LONP1: variants seen among roughly 807,000 people sequenced by gnomAD.
LONP1 encodes lon protease homolog, mitochondrial.
LONP1 carries 31 observed loss-of-function variants against 98.5 expected under a neutral mutation model. The ratio of observed to expected loss-of-function variants is 0.31; its 90% confidence interval spans 0.24 to 0.42. The LOEUF (loss-of-function observed/expected upper bound fraction) is 0.42. Ranked by LOEUF, LONP1 falls within the 20% of genes least tolerant of loss-of-function variation. LONP1 has a pLI of 1.00. For synonymous variants in LONP1, 781 were observed against 594.7 expected (o/e 1.31, Z -4.56); for missense variants, 1,336 against 1,350.6 (o/e 0.99, Z 0.17).
At chr19:5,713,596 T>C (rs1214664366) in intron 2 of LONP1, among the ~76,000 whole-genome samples, 1 of 152,074 alleles carries the variant, frequency 6.6e-6, no homozygotes, top group Non-Finnish European at 1.5e-5. Flanking sequence ...AGTTTCGCTC[T>C]TGTTGCCCAG....
Position 5,693,610 on chromosome 19 carries a change from T to C in LONP1, c.2480A>G (p.Gln827Arg), listed in dbSNP as rs201049657. Residue 827 changes from glutamine (Q) to arginine (R), a missense_variant, in exon 16 of 18, where the codon CAG becomes CGG. Physicochemically the swap from Gln to Arg is conservative, Grantham distance 43. Around this residue, in one of 5 missense-constraint regions of LONP1, gnomAD observed 555 missense variants for 542.6 expected, o/e 1.02. Coordinates refer to ENST00000360614, the MANE Select transcript of LONP1 (RefSeq NM_004793.4). ...CAGGTAGTCATTGGCGGGGGCGTGC[T>C]GCATGAGGAAGGCTCTGGCGAAGGT... ...AYTFARAFLM[Q>R]HAPANDYLVT... The C allele has an allele frequency of 1.9e-5, 30 of 1,613,966 alleles. No individual in the cohort carries two copies. The highest frequency in any genetic ancestry group is 2.5e-5 in the Non-Finnish European group (29 of 1,179,996).
intron 17 of LONP1, 163 bp from the exon 18 acceptor site, chr19:5,692,371 G>A (rs1215267994): frequency 1.5e-5 from 9 of 618,838 alleles, no homozygotes; most frequent in Non-Finnish European, 5.3e-6. Context: ...CTCCCACGGG[G>A]AAACAGGCTC....
At chr19:5,695,014 G>C (rs1316923327) in intron 13 of LONP1, 113 bp from the exon 14 acceptor site, 1 of 1,257,844 alleles carries the variant, frequency 8.0e-7, no homozygotes, top group African/African-American at 1.5e-5. Context: ...CTGGGAACGA[G>C]GTCCCTGATG....
In LONP1 at chr19:5,714,221, G is replaced by C; in HGVS notation, c.480C>G (p.Ala160=). ...VELLRRKVRL[A]QPYVGVFLKR... ...TTAGAAAGACGCCGACATAAGGCTG[G>C]GCGAGACGAACTTTCCTTCTCAGCA... The change falls in exon 2 of 18, where the codon GCC becomes GCG. Residue 160 remains alanine, a synonymous_variant. Coordinates refer to ENST00000360614, the MANE Select transcript of LONP1 (RefSeq NM_004793.4). 1 of 1,614,020 alleles carries C rather than the reference G, an allele frequency of 6.2e-7. No individual in the cohort carries two copies. The highest frequency in any genetic ancestry group is 8.5e-7 in the Non-Finnish European group (1 of 1,179,954).
chr19:5,706,903 G>A (rs1015325741), intron 7 of LONP1, among the ~76,000 whole-genome samples, 157 bp downstream of exon 7: 6 of 152,236 alleles, frequency 3.9e-5, no homozygotes, highest in Non-Finnish European at 7.3e-5. Flanking sequence ...GGACGACAGA[G>A]CAGATGATGG....
At position 5,694,484 on chromosome 19, in the gene LONP1, G is replaced by T. The variant is rs759316923; in HGVS notation, c.2223C>A (p.Asn741Lys). 1.7e-5 allele frequency: 28 copies of T among 1,613,226 alleles called. No individual in the cohort carries two copies. Among genetic ancestry groups the T allele is most frequent in the Non-Finnish European group, 2.4e-5 (28 of 1,180,020 alleles). ...CGGGCTTCCCCACGAAGTCCTGCAG[G>T]TTCTCGGGCGTCACCTCCACGGACT... ...EAESVEVTPE[N>K]LQDFVGKPVF... The change falls in exon 15 of 18, where the codon AAC becomes AAA. Residue 741 changes from asparagine to lysine, a missense_variant. Asn to Lys is a moderately conservative substitution (Grantham distance 94). Coordinates refer to ENST00000360614, the MANE Select transcript of LONP1 (RefSeq NM_004793.4).
chr19:5,694,698 G>C (rs2054894227), intron 14 of LONP1, 63 bp downstream of exon 14: 1 of 1,574,270 alleles, frequency 6.4e-7, no homozygotes, highest in African/African-American at 1.3e-5. Flanking sequence ...TGGAAAGGTG[G>C]GGTGATCAGC....
At position 5,705,331 on chromosome 19, in the gene LONP1, G is replaced by A. The variant is rs555162303; in HGVS notation, c.1367+441C>T. 2.6e-5 allele frequency among the ~76,000 whole-genome samples: 4 copies of A among 152,184 alleles called. No homozygotes were observed. In the South Asian group the frequency reaches 8.3e-4, roughly 32 times the overall value. On this transcript the variant is annotated intron_variant, in intron 8 of 17. Coordinates refer to ENST00000360614, the MANE Select transcript of LONP1 (RefSeq NM_004793.4). ...AAATTAACCAGGCGTGGTGGTGCATGCCTATAGTCCCAGATACTTGGGGGA... is the reference window on the plus strand; with the variant it reads ...AAATTAACCAGGCGTGGTGGTGCATACCTATAGTCCCAGATACTTGGGGGA...
intron 3 of LONP1, 108 bp downstream of exon 3, chr19:5,713,026 T>C: frequency 1.3e-6 from 2 of 1,508,740 alleles, no homozygotes; most frequent in East Asian, 2.3e-5. Flanking sequence ...AGAAAGCCGC[T>C]GGGCTGACGG....
chr19:5,703,727 C>T (rs560302901), intron 8 of LONP1, among the ~76,000 whole-genome samples: 27 of 151,974 alleles, frequency 1.8e-4, no homozygotes, highest in African/African-American at 5.3e-4. Flanking sequence ...TGACACTTTG[C>T]GGAGAGCATT....
At chr19:5,692,232 C>G in intron 17 of LONP1, 24 bp from the exon 18 acceptor site, 3 of 1,587,556 alleles carry the variant, frequency 1.9e-6, no homozygotes, top group Middle Eastern at 1.7e-4. Flanking sequence ...CAGGGTCAGC[C>G]CTGCCTGGGC....
rs2145623436 is a variant in LONP1, at chr19:5,711,787, A to T, written c.854T>A (p.Val285Asp). The stretch of plus-strand genomic sequence containing the variant: ...CGGACTCACTTTCACCTCCTCCGTG[A>T]CCTGGAAGTCCTCGTGGACAACGTT... The part of the protein sequence containing the change: ...VENVVHEDFQ[V>D]TEEVKALTAE... Residue 285 changes from valine to aspartate, a missense_variant, in exon 4 of 18, where the codon GTC (valine) becomes GAC (aspartate). Around this residue, in one of 5 missense-constraint regions of LONP1, gnomAD observed 97 missense variants for 139.0 expected, o/e 0.70. Transcript: ENST00000360614. 6.2e-7 allele frequency: 1 copy of T among 1,609,706 alleles called. No individual in the cohort carries two copies. The highest frequency in any genetic ancestry group is 1.7e-4 in the Middle Eastern group (1 of 6,050).
At chr19:5,701,776 C>T (rs2055048982) in intron 8 of LONP1, among the ~76,000 whole-genome samples, 1 of 151,868 alleles carries the variant, frequency 6.6e-6, no homozygotes, top group South Asian at 2.1e-4. Context: ...TGAGGAGCGT[C>T]TCTGCCTGGC....
At chr19:5,705,640 G>A (rs2055132723) in intron 8 of LONP1, 132 bp downstream of exon 8, 2 of 675,504 alleles carry the variant, frequency 3.0e-6, no homozygotes, top group East Asian at 5.4e-5. Flanking sequence ...ATACTCGCTG[G>A]ATGCCTCCCA....
intron 14 of LONP1, 91 bp downstream of exon 14, chr19:5,694,670 A>C: frequency 1.4e-6 from 2 of 1,422,876 alleles, no homozygotes. Flanking sequence ...TGGGCGCAGG[A>C]AAGTGGGATG....
At chr19:5,712,069 C>A in intron 3 of LONP1, 67 bp from the exon 4 acceptor site, 1 of 1,342,920 alleles carries the variant, frequency 7.4e-7, no homozygotes. Context: ...GCTGAGGCCT[C>A]CCTGGTGGCA....
intron 1 of LONP1, among the ~76,000 whole-genome samples, chr19:5,717,800 G>T (rs1324841990): frequency 6.6e-6 from 1 of 151,904 alleles, no homozygotes; most frequent in Non-Finnish European, 1.5e-5. Context: ...CTGCAGCCTT[G>T]ATCTCCCAGT....
chr19:5,713,230 C>T lies in LONP1; in HGVS notation c.542G>A (p.Ser181Asn), dbSNP rs774503285. 30 of 1,614,068 alleles carry T rather than the reference C, an allele frequency of 1.9e-5. 2 individuals are homozygous for T. In the South Asian group the frequency reaches 3.1e-4, roughly 17 times the overall value. The change falls in exon 3 of 18, where the codon AGC becomes AAC. Residue 181 changes from serine to asparagine, a missense_variant. By Grantham distance (46) the Ser-to-Asn change is conservative. This residue lies in a region of LONP1 where 457 missense variants were observed against 403.1 expected (regional missense o/e 1.13). Coordinates refer to ENST00000360614, the MANE Select transcript of LONP1 (RefSeq NM_004793.4). ...DDSNESDVVE[S>N]LDEIYHTGTF... ...CCCCGTGTGGTAGATTTCATCCAGG[C>T]TCTCGACCACATCCGACTCATTGCT...
intron 10 of LONP1, among the ~76,000 whole-genome samples, chr19:5,697,602 AG>A (rs890591831): frequency 2.9e-4 from 5 of 17,332 alleles, no homozygotes; most frequent in Admixed American, 1.9e-3. Flanking sequence ...GAGAGAGAGG[AG>A]GGGGTGGGGC....
Sources: allele counts gnomAD v4.1 joint callset (sites outside exome capture counted in the v4.1 genomes callset), GRCh38; gene constraint gnomAD v4.1.1; regional missense constraint gnomAD v4.1.1; transcripts MANE v1.5; gene names NCBI Gene and HGNC (gene_info 2026-07-23, HGNC 2026-07-21).